Variants in USP25 observed in about 807,000 individuals in gnomAD.
USP25 encodes ubiquitin specific peptidase 25, also known as ubiquitin carboxyl-terminal hydrolase 25.
A neutral mutation model predicts 158.5 loss-of-function variants in USP25; 85 were observed. The ratio of observed to expected loss-of-function variants is 0.54; its 90% CI spans 0.45 to 0.64. The LOEUF (loss-of-function observed/expected upper bound fraction) is 0.64, where lower values mean the gene tolerates loss of function less well. USP25 is among the 30% of genes least tolerant of loss of function. The pLI is 0.00. For missense variants in USP25, 1,242 were observed against 1,327.3 expected (o/e 0.94, Z 1.00); for synonymous variants, 464 against 460.4 (o/e 1.01, Z -0.10).
intron 18 of USP25, among the ~76,000 whole-genome samples, chr21:15,844,126 C>T (rs904879259): frequency 6.6e-6 from 1 of 152,078 alleles, no homozygotes; most frequent in African/African-American, 2.4e-5. Flanking sequence ...TCTGGAGTGG[C>T]ATCCACAGTT....
At chr21:15,733,857 C>A (rs779744849) in intron 1 of USP25, among the ~76,000 whole-genome samples, 3 of 151,868 alleles carry the variant, frequency 2.0e-5, no homozygotes, top group Non-Finnish European at 4.4e-5. Flanking sequence ...AACAAAAAAC[C>A]AAAACAAAAC....
rs563543069 is a variant in USP25 at position 15,786,664 on chromosome 21, A to C, written c.393-4838A>C. ...AGTTGAGAAACCCACAGCTAGTAGT[A>C]TACTGAATGCAGAAAAAAATGAAAG... is the stretch of plus-strand genomic sequence containing the variant. On this transcript the variant is annotated intron_variant, in intron 4 of 25. Transcript: ENST00000400183. 1.8e-3 allele frequency among the ~76,000 whole-genome samples: 274 copies of C among 152,300 alleles called. 1 individual carries two copies. The highest frequency in any genetic ancestry group is 6.5e-3 in the African/African-American group (269 of 41,580).
intron 1 of USP25, among the ~76,000 whole-genome samples, chr21:15,750,208 G>A (rs866332106): frequency 2.6e-5 from 3 of 114,718 alleles, no homozygotes; most frequent in African/African-American, 9.6e-5. Context: ...GTGTGTGTGT[G>A]TGTATGTTTT....
chr21:15,864,226 C>G, intron 20 of USP25, 42 bp from the exon 21 acceptor site: 1 of 1,555,590 alleles, frequency 6.4e-7, no homozygotes, highest in East Asian at 2.3e-5. Flanking sequence ...TTTTGGTGTT[C>G]AAATAATTAA....
At chr21:15,745,415 ATTGT>A (rs1436564440) in intron 1 of USP25, among the ~76,000 whole-genome samples, 3 of 140,362 alleles carry the variant, frequency 2.1e-5, no homozygotes, top group African/African-American at 7.9e-5. Context: ...TTTAATATTG[ATTGT>A]TTAATTTACT....
intron 1 of USP25, among the ~76,000 whole-genome samples, chr21:15,751,304 G>C (rs1227807798): frequency 6.6e-6 from 1 of 152,106 alleles, no homozygotes; most frequent in Non-Finnish European, 1.5e-5. Context: ...TAGATGAATG[G>C]AGTTTCCAAG....
intron 1 of USP25, among the ~76,000 whole-genome samples, chr21:15,737,891 A>G (rs1428063958): frequency 2.6e-5 from 4 of 151,676 alleles, no homozygotes; most frequent in Non-Finnish European, 4.4e-5. Context: ...TGGGTTGGGT[A>G]AATATCCGAA....
At position 15,818,857 on chromosome 21, in the gene USP25, C is replaced by T. The variant is rs1343417192; in HGVS notation, c.1080+11C>T. ...AAATCAGGCCAAGAGGTGAGTTTAA[C>T]ATTTTCATTGTCCCCTTTCTTCCCT... On this transcript the variant is annotated intron_variant, in intron 10 of 25. Coordinates refer to ENST00000400183, the MANE Select transcript of USP25 (RefSeq NM_001283041.3). 6.2e-7 allele frequency: 1 copy of T among 1,612,798 alleles called. No homozygotes were observed. Among genetic ancestry groups the T allele is most frequent in the Non-Finnish European group, 8.5e-7 (1 of 1,179,286 alleles).
At chr21:15,743,600 C>T (rs538236276) in intron 1 of USP25, among the ~76,000 whole-genome samples, 24 of 152,234 alleles carry the variant, frequency 1.6e-4, no homozygotes, top group African/African-American at 4.8e-4. Flanking sequence ...AAGCATTATT[C>T]GGAAAGAACC....
intron 10 of USP25, 55 bp downstream of exon 10, chr21:15,818,901 T>C (rs1351727020): frequency 1.9e-6 from 3 of 1,563,352 alleles, no homozygotes; most frequent in Non-Finnish European, 2.6e-6. Context: ...CTTACAATGC[T>C]ATAGCACAAT....
chr21:15,836,332 C>T (rs370570479), intron 17 of USP25, among the ~76,000 whole-genome samples: 10 of 152,298 alleles, frequency 6.6e-5, no homozygotes, highest in African/African-American at 1.7e-4. Context: ...AAAATGTGAT[C>T]GAGAAATTCA....
At chr21:15,767,474 A>T (rs879439081) in intron 3 of USP25, among the ~76,000 whole-genome samples, 6 of 152,058 alleles carry the variant, frequency 3.9e-5, no homozygotes, top group Non-Finnish European at 8.8e-5. Context: ...CTTGAACATT[A>T]TTGGTGCTCA....
intron 6 of USP25, among the ~76,000 whole-genome samples, chr21:15,801,347 G>A (rs1410784475): frequency 1.3e-5 from 2 of 151,498 alleles, no homozygotes; most frequent in Admixed American, 6.6e-5. Context: ...TGTAATTCCA[G>A]TCTTCAGCAC....
At chr21:15,779,571 A>G (rs1332050531) in intron 4 of USP25, among the ~76,000 whole-genome samples, 1 of 151,904 alleles carries the variant, frequency 6.6e-6, no homozygotes, top group African/African-American at 2.4e-5. Flanking sequence ...TTAAAACAAC[A>G]GGTACTAATT....
chr21:15,826,315 T>A lies in USP25; in HGVS notation c.1416T>A (p.Ile472=). The change falls in exon 13 of 26, where the codon ATT becomes ATA. Residue 472 remains isoleucine (I), a synonymous_variant. Coordinates refer to ENST00000400183, the MANE Select transcript of USP25 (RefSeq NM_001283041.3). This position sits in a 1 kb window ranked among gnomAD's most constrained non-coding sequence, Gnocchi z 4.8. ...KPVCTSPVDD[I]DASSPPSGSI... ...TTTGCACTTCTCCTGTTGACGATAT[T>A]GACGCTAGTTCCCCACCTAGTGGTT... The A allele has an allele frequency of 1.9e-6, 3 of 1,614,116 alleles. No homozygotes were observed. The highest frequency in any genetic ancestry group is 2.5e-6 in the Non-Finnish European group (3 of 1,179,964).
chr21:15,800,537 A>T (rs893985952), intron 6 of USP25, among the ~76,000 whole-genome samples: 11 of 120,616 alleles, frequency 9.1e-5, no homozygotes, highest in Admixed American at 3.3e-4. Context: ...AAAAAAAATT[A>T]AAAAAAAAAA....
At chr21:15,730,557 AC>A (rs1601213346) in intron 1 of USP25, 119 bp downstream of exon 1, 8 of 1,155,994 alleles carry the variant, frequency 6.9e-6, no homozygotes, top group East Asian at 7.3e-5. Flanking sequence ...CTCCCCGGTC[AC>A]CCCCGGCCCC....
At chr21:15,750,792 G>C (rs1017208746) in intron 1 of USP25, among the ~76,000 whole-genome samples, 4 of 151,722 alleles carry the variant, frequency 2.6e-5, no homozygotes, top group Non-Finnish European at 5.9e-5. Flanking sequence ...ATTTTTAGTA[G>C]AGATGGGGTT....
chr21:15,784,860 A>G (rs1187929471), intron 4 of USP25, among the ~76,000 whole-genome samples: 1 of 152,186 alleles, frequency 6.6e-6, no homozygotes, highest in Admixed American at 6.5e-5. Flanking sequence ...AGGAATCTTC[A>G]TAATATTGAG....
Sources: gnomAD v4.1 joint callset for allele counts (sites outside exome capture counted in the v4.1 genomes callset) on GRCh38, gnomAD v4.1.1 for gene constraint, Gnocchi (gnomAD v3.1) non-coding constraint, MANE v1.5 for transcripts, NCBI Gene and HGNC (gene_info 2026-07-23, HGNC 2026-07-21) for gene names.